The following NDRG4 variants were observed in gnomAD, a reference collection of about 807,000 sequenced individuals.
The protein encoded by NDRG4 is protein NDRG4.
Under a neutral mutation model 55.8 loss-of-function variants are expected in NDRG4, and 38 were observed. The observed-to-expected ratio is 0.68, with a 90% CI of 0.53 to 0.89. The LOEUF is 0.89. Among genes scored for constraint, NDRG4 ranks in the 40% least tolerant of loss-of-function variants. The probability of loss-of-function intolerance (pLI) is 0.00; values close to 1 mark genes in which losing one functional copy is unlikely to be tolerated. For missense variants in NDRG4, 455 were observed against 468.6 expected (o/e 0.97, Z 0.27); for synonymous variants, 190 against 182.7 (o/e 1.04, Z -0.32).
At chr16:58,470,968 T>TATGA (rs1489656554) in intron 1 of NDRG4, among the ~76,000 whole-genome samples, 1 of 145,162 alleles carries the variant, frequency 6.9e-6, no homozygotes, top group Non-Finnish European at 1.5e-5. Context: ...GAACAGGTGA[T>TATGA]ATGATTGCTT....
chr16:58,472,990 C>T (rs1364955229), intron 1 of NDRG4, among the ~76,000 whole-genome samples: 2 of 152,146 alleles, frequency 1.3e-5, no homozygotes, highest in Non-Finnish European at 2.9e-5. Flanking sequence ...GCTGGGACAT[C>T]TTCTTCCCTG....
chr16:58,470,968 T>C (rs2151565482), intron 1 of NDRG4, among the ~76,000 whole-genome samples: 1 of 145,174 alleles, frequency 6.9e-6, no homozygotes, highest in African/African-American at 2.6e-5. Context: ...GAACAGGTGA[T>C]ATGATTGCTT....
intron 1 of NDRG4, among the ~76,000 whole-genome samples, chr16:58,466,286 G>A (rs1285606890): frequency 6.6e-6 from 1 of 152,218 alleles, no homozygotes. Flanking sequence ...AAAGTGCTGG[G>A]ATTACAGGCG....
chr16:58,504,619 C>T lies in NDRG4; in HGVS notation c.342C>T (p.Gly114=), dbSNP rs1264075566. The part of the protein sequence containing the change: ...GFKYVIGIGV[G]AGAYVLAKFA... ...AGTATGTGATTGGCATCGGAGTGGG[C>T]GCCGGAGCCTATGTGCTGGCCAAGT... is the stretch of plus-strand genomic sequence containing the variant. Residue 114 remains glycine (G), a synonymous_variant, in exon 5 of 15, where the codon GGC becomes GGT. Transcript: ENST00000570248. 32 of 1,614,052 alleles carry T rather than the reference C, an allele frequency of 2.0e-5. No individual in the cohort carries two copies. The highest frequency in any genetic ancestry group is 2.7e-5 in the African/African-American group (2 of 74,908).
chr16:58,512,200 A>ACC lies in NDRG4; in HGVS notation c.*625_*626dup. ...GCCCAAGGAAGACAGAACATGGAGA[A>ACC]CCGTCAGGGCAGGAACCCCACAGAC... On this transcript the variant is annotated 3_prime_UTR_variant, in exon 15 of 15. Coordinates refer to ENST00000570248, the MANE Select transcript of NDRG4 (RefSeq NM_001242835.2). 2.3e-6 allele frequency: 1 copy of ACC among 431,756 alleles called. No homozygotes were observed. 26.7% of individuals were successfully genotyped at this position (431,756 alleles called of 1,614,324 possible). A position where few individuals can be genotyped will look rare whatever the true frequency, so the allele number is the denominator to read the frequency against.
intron 1 of NDRG4, among the ~76,000 whole-genome samples, chr16:58,483,232 C>G (rs2034680722): frequency 2.0e-5 from 3 of 152,152 alleles, no homozygotes; most frequent in Admixed American, 2.0e-4. Context: ...TGATCACAGT[C>G]ATGGCTTCTA....
rs144974200 is a variant in NDRG4 at position 58,479,666 on chromosome 16, AT to A, written c.-23-8087del. Among the ~76,000 whole-genome samples, 1,344 of 152,298 alleles carry A rather than the reference AT, an allele frequency of 8.8e-3. 47 individuals are homozygous for A. The East Asian group carries it at 0.11, about 12-fold the overall frequency. On this transcript the variant is annotated intron_variant, in intron 1 of 15. Coordinates refer to the NDRG4 transcript ENST00000258187. ...TGTGTGAAGAATGATTCATTCGTTC[AT>A]TTACTTACATGATTGAACAGAAATG...
chr16:58,501,948 G>C, intron 1 of NDRG4: 1 of 455,312 alleles, frequency 2.2e-6, no homozygotes, highest in South Asian at 1.5e-5. Context: ...TATGCAGCAG[G>C]AGGCGCATTG....
chr16:58,491,374 T>G (rs531286164), intron 2 of NDRG4, among the ~76,000 whole-genome samples: 1 of 152,114 alleles, frequency 6.6e-6, no homozygotes, highest in African/African-American at 2.4e-5. Context: ...CTTCAAGAGC[T>G]AGTCTGGCTC....
chr16:58,478,697 G>GTT (rs59525801), intron 1 of NDRG4, among the ~76,000 whole-genome samples: 2,099 of 137,702 alleles, frequency 0.015, 50 homozygotes, highest in African/African-American at 0.047. Flanking sequence ...TTTGTTTTTT[G>GTT]TTTTTTTTTT....
Position 58,476,159 on chromosome 16 carries a change from G to A in NDRG4, c.-23-11597G>A, listed in dbSNP as rs371205596. On this transcript the variant is annotated intron_variant, in intron 1 of 15. Transcript: ENST00000258187. ...TGCTTCCATTTACCTCGCACTGGCAGAACATCACGTCATCATAAACAAATT... is the reference window on the plus strand; with the variant it reads ...TGCTTCCATTTACCTCGCACTGGCAAAACATCACGTCATCATAAACAAATT... Among the ~76,000 whole-genome samples, 6 of 152,234 alleles carry A rather than the reference G, an allele frequency of 3.9e-5. No homozygotes were observed. In the East Asian group the frequency reaches 9.6e-4, roughly 24 times the overall value.
rs181063998 is a variant in NDRG4, at chr16:58,504,765, C to T, written c.372+116C>T. On this transcript the variant is annotated intron_variant, in intron 5 of 14. Coordinates refer to ENST00000570248, the MANE Select transcript of NDRG4 (RefSeq NM_001242835.2). ...AGGAAGTGTCCCTGCTCTCGCTTCT[C>T]CTCCTCCCACCTCCTCTTTATGTAG... 7.7e-4 allele frequency: 735 copies of T among 948,516 alleles called. 4 individuals are homozygous for T. In the African/African-American group the frequency reaches 0.011, roughly 14 times the overall value. The allele number at this position is 948,516 out of a possible 1,614,324, so 58.8% of individuals were successfully genotyped here.
intron 2 of NDRG4, among the ~76,000 whole-genome samples, chr16:58,491,578 A>G (rs1272357910): frequency 1.3e-5 from 2 of 151,666 alleles, no homozygotes; most frequent in African/African-American, 4.9e-5. Context: ...CTCCTGCCTC[A>G]GCCTCCCAAG....
intron 1 of NDRG4, among the ~76,000 whole-genome samples, chr16:58,484,330 G>A (rs780658982): frequency 1.3e-4 from 20 of 152,260 alleles, no homozygotes; most frequent in Admixed American, 2.0e-4. Context: ...CTGAGATCGC[G>A]CCACTGCACT....
chr16:58,472,120 T>C (rs2032937862), intron 1 of NDRG4: 1 of 152,166 alleles, frequency 6.6e-6, no homozygotes, highest in Non-Finnish European at 1.5e-5. Flanking sequence ...CCTTTAAGTT[T>C]TTGGAAGAGC....
At chr16:58,471,387 C>G (rs16960168) in intron 1 of NDRG4, among the ~76,000 whole-genome samples, 1 of 151,562 alleles carries the variant, frequency 6.6e-6, no homozygotes, top group East Asian at 1.9e-4. Context: ...GAGAACAGCA[C>G]GGTGGGTTGG....
chr16:58,469,702 A>T (rs1181191189), intron 1 of NDRG4, among the ~76,000 whole-genome samples: 1 of 152,262 alleles, frequency 6.6e-6, no homozygotes, highest in Non-Finnish European at 1.5e-5. Flanking sequence ...ATCTGAACAG[A>T]TATCCCCTTA....
intron 2 of NDRG4, among the ~76,000 whole-genome samples, chr16:58,490,169 C>T (rs1203510544): frequency 6.6e-6 from 1 of 152,198 alleles, no homozygotes; most frequent in Non-Finnish European, 1.5e-5. Context: ...GGCATGAAAG[C>T]AGAGTTCTCC....
At chr16:58,507,909 A>G (rs2038256018) in intron 9 of NDRG4, 39 bp from the exon 10 acceptor site, 2 of 1,613,696 alleles carry the variant, frequency 1.2e-6, no homozygotes, top group African/African-American at 1.3e-5. Flanking sequence ...CTTTGCCCCC[A>G]TGACCCAGCC....
Sources: gnomAD v4.1 joint callset for allele counts (sites outside exome capture counted in the v4.1 genomes callset) on GRCh38, gnomAD v4.1.1 for gene constraint, MANE v1.5 for transcripts, NCBI Gene and HGNC (gene_info 2026-07-23, HGNC 2026-07-21) for gene names.